The following SLC24A3 variants were observed in gnomAD, a reference collection of about 807,000 sequenced individuals.
SLC24A3 encodes solute carrier family 24 member 3.
SLC24A3 carries 28 observed loss-of-function variants against 75.8 expected under a neutral mutation model. The ratio of observed to expected loss-of-function variants is 0.37; its 90% CI spans 0.27 to 0.51. The LOEUF (loss-of-function observed/expected upper bound fraction) is 0.51. Among genes scored for constraint, SLC24A3 ranks in the 20% least tolerant of loss-of-function variants. The pLI, the probability that SLC24A3 is intolerant of heterozygous loss-of-function variation, is 0.94. For synonymous variants in SLC24A3, 372 were observed against 334.1 expected (o/e 1.11, Z -1.24); for missense variants, 663 against 847.8 (o/e 0.78, Z 2.71).
At chr20:19,233,014 C>T (rs1036014306) in intron 1 of SLC24A3, among the ~76,000 whole-genome samples, 32 of 152,232 alleles carry the variant, frequency 2.1e-4, no homozygotes, top group African/African-American at 7.0e-4. Context: ...AAATTATCTC[C>T]TTTAACTGCG....
intron 2 of SLC24A3, among the ~76,000 whole-genome samples, chr20:19,341,591 A>G (rs1985274645): frequency 6.6e-6 from 1 of 152,206 alleles, no homozygotes; most frequent in African/African-American, 2.4e-5. Context: ...GGAAGGACTC[A>G]GGACTCAAGA....
intron 1 of SLC24A3, among the ~76,000 whole-genome samples, chr20:19,250,403 T>TA (rs1449683900): frequency 6.6e-6 from 1 of 152,234 alleles, no homozygotes; most frequent in Non-Finnish European, 1.5e-5. Context: ...AACAATCAGC[T>TA]AATGGACACA....
chr20:19,585,156 A>G (rs2031277852), intron 5 of SLC24A3, 101 bp downstream of exon 5: 2 of 1,082,948 alleles, frequency 1.8e-6, no homozygotes, highest in Non-Finnish European at 2.7e-6. Context: ...CCACTCATAG[A>G]AAATGATAAT....
intron 3 of SLC24A3, among the ~76,000 whole-genome samples, chr20:19,523,929 A>T (rs1440138660): frequency 6.6e-6 from 1 of 152,098 alleles, no homozygotes; most frequent in African/African-American, 2.4e-5. Flanking sequence ...GGACCCTCAC[A>T]TCCTATTCTA....
At chr20:19,505,665 C>T (rs1214938010) in intron 2 of SLC24A3, among the ~76,000 whole-genome samples, 2 of 152,092 alleles carry the variant, frequency 1.3e-5, no homozygotes, top group South Asian at 2.1e-4. Flanking sequence ...CACACCTCAG[C>T]GTTATCTCAT....
chr20:19,620,325 T>G (rs865985730), intron 6 of SLC24A3, among the ~76,000 whole-genome samples: 5 of 152,320 alleles, frequency 3.3e-5, no homozygotes, highest in Middle Eastern at 3.4e-3. Flanking sequence ...TCAATCTTTT[T>G]TGGGGGGGAA....
At chr20:19,460,683 G>T (rs6035346) in intron 2 of SLC24A3, among the ~76,000 whole-genome samples, 3,666 of 152,220 alleles carry the variant, frequency 0.024, 142 homozygotes, top group African/African-American at 0.084. Context: ...TCCCTCCGGG[G>T]TGTTTATGGT....
At chr20:19,530,768 G>C (rs2030282973) in intron 3 of SLC24A3, among the ~76,000 whole-genome samples, 1 of 152,166 alleles carries the variant, frequency 6.6e-6, no homozygotes, top group Non-Finnish European at 1.5e-5. Flanking sequence ...CAGAAGGCTT[G>C]ATATTGCCTG....
intron 6 of SLC24A3, among the ~76,000 whole-genome samples, chr20:19,599,891 G>A (rs745610192): frequency 6.6e-6 from 1 of 152,174 alleles, no homozygotes; most frequent in Non-Finnish European, 1.5e-5. Context: ...AAGGAGGAAA[G>A]CTTGAGAGGG....
At chr20:19,407,662 C>A (rs1439507107) in intron 2 of SLC24A3, among the ~76,000 whole-genome samples, 1 of 152,202 alleles carries the variant, frequency 6.6e-6, no homozygotes, top group Non-Finnish European at 1.5e-5. Flanking sequence ...CCAAGAACAA[C>A]AATAGTAATG....
At chr20:19,468,461 T>TGGGTA (rs2122503880) in intron 2 of SLC24A3, among the ~76,000 whole-genome samples, 1 of 152,004 alleles carries the variant, frequency 6.6e-6, no homozygotes, top group South Asian at 2.1e-4. Flanking sequence ...GGAGAGAGTA[T>TGGGTA]GGGTATAGAG....
intron 3 of SLC24A3, among the ~76,000 whole-genome samples, chr20:19,518,693 G>T (rs16980718): frequency 0.14 from 20,850 of 152,198 alleles, 1,570 homozygotes; most frequent in Middle Eastern, 0.18. Flanking sequence ...TGATTTAGCT[G>T]CTGCGTTGGA....
intron 2 of SLC24A3, among the ~76,000 whole-genome samples, chr20:19,289,538 T>C (rs1434972872): frequency 1.3e-5 from 2 of 152,176 alleles, no homozygotes; most frequent in Admixed American, 1.3e-4. Context: ...AGACCATGGG[T>C]ATTACAGCGG....
At chr20:19,281,816 A>G (rs894613787) in intron 2 of SLC24A3, among the ~76,000 whole-genome samples, 2 of 152,206 alleles carry the variant, frequency 1.3e-5, no homozygotes, top group Non-Finnish European at 2.9e-5. Flanking sequence ...CACATATCGC[A>G]TCTGTAGTGT....
At chr20:19,311,245 G>C (rs114799485) in intron 2 of SLC24A3, among the ~76,000 whole-genome samples, 1 of 152,148 alleles carries the variant, frequency 6.6e-6, no homozygotes, top group Non-Finnish European at 1.5e-5. Context: ...AAGGCTCAAG[G>C]CTTCAAGAGA....
At chr20:19,716,955 C>A (rs1349392527) in intron 15 of SLC24A3, among the ~76,000 whole-genome samples, 1 of 152,160 alleles carries the variant, frequency 6.6e-6, no homozygotes, top group Non-Finnish European at 1.5e-5. Flanking sequence ...AACAAACCTC[C>A]AAAAATCCCT....
intron 2 of SLC24A3, among the ~76,000 whole-genome samples, chr20:19,304,781 C>T (rs1984281127): frequency 6.6e-6 from 1 of 152,036 alleles, no homozygotes; most frequent in African/African-American, 2.4e-5. Context: ...AAAAATTGTT[C>T]CTAGAAAAGA....
chr20:19,294,369 C>T (rs564477123), intron 2 of SLC24A3, among the ~76,000 whole-genome samples: 1 of 152,184 alleles, frequency 6.6e-6, no homozygotes, highest in East Asian at 1.9e-4. Flanking sequence ...TTTGCTGCAC[C>T]TATCAACCCA....
chr20:19,336,419 C>T (rs1054459532), intron 2 of SLC24A3, among the ~76,000 whole-genome samples: 33 of 151,984 alleles, frequency 2.2e-4, no homozygotes, highest in Admixed American at 3.9e-4. Flanking sequence ...TTTTTTGAGA[C>T]GGAGTCTCAC....
Sources: allele counts gnomAD v4.1 joint callset (sites outside exome capture counted in the v4.1 genomes callset), GRCh38; gene constraint gnomAD v4.1.1; transcripts MANE v1.5; gene names NCBI Gene and HGNC (gene_info 2026-07-23, HGNC 2026-07-21).